The following RIPK2 variants were observed in gnomAD, a reference collection of about 807,000 sequenced individuals.
RIPK2 encodes the protein receptor-interacting serine/threonine-protein kinase 2.
Under a neutral mutation model 60.9 loss-of-function variants are expected in RIPK2, and 38 were observed. The ratio of observed to expected loss-of-function variants is 0.62; its 90% confidence interval spans 0.48 to 0.82. RIPK2 has a LOEUF of 0.82. Ranked by LOEUF, RIPK2 falls within the 40% of genes least tolerant of loss-of-function variation. The pLI is 0.00. For synonymous variants in RIPK2, 225 were observed against 223.4 expected (o/e 1.01, Z -0.06); for missense variants, 518 against 647.0 (o/e 0.80, Z 2.16).
At chr8:89,785,582 G>GTT (rs1301304208) in intron 8 of RIPK2, among the ~76,000 whole-genome samples, 1 of 151,908 alleles carries the variant, frequency 6.6e-6, no homozygotes, top group Non-Finnish European at 1.5e-5. Flanking sequence ...AAGATATCTC[G>GTT]TTATATATAT....
intron 10 of RIPK2, 102 bp from the exon 11 acceptor site, chr8:89,789,977 G>A: frequency 1.2e-6 from 1 of 836,104 alleles, no homozygotes. Flanking sequence ...CACAATCATA[G>A]GAAAATTATG....
At chr8:89,771,826 T>A in intron 5 of RIPK2, 36 bp downstream of exon 5, 1 of 1,319,268 alleles carries the variant, frequency 7.6e-7, no homozygotes. Context: ...CTCAATAACA[T>A]CATGTTAGTA....
chr8:89,780,855 G>C (rs1809486558), intron 7 of RIPK2: 1 of 150,996 alleles, frequency 6.6e-6, no homozygotes, highest in South Asian at 2.1e-4. Flanking sequence ...AGCAGTAACA[G>C]TTTATATGAA....
intron 2 of RIPK2, among the ~76,000 whole-genome samples, chr8:89,764,710 T>G (rs955844516): frequency 1.1e-4 from 16 of 152,084 alleles, no homozygotes; most frequent in Non-Finnish European, 1.5e-5. Context: ...GAAACAAAAA[T>G]GAGTGTCCCT....
chr8:89,769,968 T>G, intron 4 of RIPK2, 39 bp downstream of exon 4: 1 of 1,473,288 alleles, frequency 6.8e-7, no homozygotes, highest in Non-Finnish European at 9.0e-7. Flanking sequence ...TAACCTTGTC[T>G]CAGACACAAA....
chr8:89,783,432 C>T (rs1299832406), intron 7 of RIPK2, among the ~76,000 whole-genome samples: 3 of 152,114 alleles, frequency 2.0e-5, no homozygotes. Context: ...AGTAATCCTT[C>T]AAAATAGGAA....
intron 1 of RIPK2, 139 bp from the exon 2 acceptor site, chr8:89,762,690 A>C: frequency 2.3e-6 from 1 of 438,868 alleles, no homozygotes; most frequent in Non-Finnish European, 4.0e-6. Context: ...AATATGATGA[A>C]ACTAAGGTGC....
Position 89,786,582 on chromosome 8 carries a change from ATTTAC to A in RIPK2, c.1030-6_1030-2del. ...TATTAACCTAAACCCTTTATTTTTTATTTACTTTAGGAATCATGTGGATCCTCTCA... is the reference window on the plus strand; with the variant it reads ...TATTAACCTAAACCCTTTATTTTTTATTTAGGAATCATGTGGATCCTCTCA... On this transcript the variant is annotated splice_polypyrimidine_tract_variant and splice_region_variant and intron_variant, in intron 8 of 10. Transcript: ENST00000220751. 1 of 1,441,586 alleles carries A rather than the reference ATTTAC, an allele frequency of 6.9e-7. No homozygotes were observed. The highest frequency in any genetic ancestry group is 9.6e-7 in the Non-Finnish European group (1 of 1,039,148). 89.3% of individuals were successfully genotyped at this position (1,441,586 alleles called of 1,614,324 possible).
intron 6 of RIPK2, among the ~76,000 whole-genome samples, chr8:89,774,242 G>A (rs1037460779): frequency 2.0e-5 from 3 of 152,084 alleles, no homozygotes; most frequent in Non-Finnish European, 2.9e-5. Flanking sequence ...ATGAGTAAAA[G>A]ATTTGAATTT....
intron 1 of RIPK2, among the ~76,000 whole-genome samples, chr8:89,762,341 T>A (rs1809159637): frequency 6.6e-6 from 1 of 152,174 alleles, no homozygotes; most frequent in Admixed American, 6.5e-5. Flanking sequence ...TTACTGACTT[T>A]TATGCAGCTA....
Position 89,765,288 on chromosome 8 carries a change from C to T in RIPK2, c.328-53C>T. 20 of 1,290,828 alleles carry T rather than the reference C, an allele frequency of 1.5e-5. 1 individual carries two copies. The South Asian group carries it at 2.4e-4, about 16-fold the overall frequency. 80.0% of individuals were successfully genotyped at this position (1,290,828 alleles called of 1,614,324 possible). ...AATATTTAACTTTCTAAGTGTGAAACATAGTGAAATTTGGACTAATTTCAT... is the reference window on the plus strand; with the variant it reads ...AATATTTAACTTTCTAAGTGTGAAATATAGTGAAATTTGGACTAATTTCAT... On this transcript the variant is annotated intron_variant, in intron 2 of 10. Coordinates refer to ENST00000220751, the MANE Select transcript of RIPK2 (RefSeq NM_003821.6).
intron 9 of RIPK2, among the ~76,000 whole-genome samples, chr8:89,787,282 T>C (rs913926589): frequency 6.6e-6 from 1 of 152,210 alleles, no homozygotes; most frequent in Non-Finnish European, 1.5e-5. Flanking sequence ...GAGATAGTGA[T>C]ATAAGAGAGA....
chr8:89,777,612 T>A (rs1416106399), intron 6 of RIPK2, among the ~76,000 whole-genome samples: 4 of 152,082 alleles, frequency 2.6e-5, no homozygotes. Context: ...ATTTATCACA[T>A]TTCTTACAAA....
intron 1 of RIPK2, 147 bp downstream of exon 1, chr8:89,758,380 GA>G: frequency 1.3e-6 from 1 of 798,048 alleles, no homozygotes; most frequent in Non-Finnish European, 1.9e-6. Flanking sequence ...TCAAGCTTGG[GA>G]GATAGGGAGC....
chr8:89,761,371 T>C lies in RIPK2; in HGVS notation c.174-1458T>C, dbSNP rs113291944. Among the ~76,000 whole-genome samples, 1,088 of 141,156 alleles carry C rather than the reference T, an allele frequency of 7.7e-3. 12 individuals carry two copies. The highest frequency in any genetic ancestry group is 0.031 in the African/African-American group (1,024 of 33,386). The allele number at this position is 141,156 out of a possible 152,430, so 92.6% of individuals were successfully genotyped here. On this transcript the variant is annotated intron_variant, in intron 1 of 10. Transcript: ENST00000220751. Reference sequence around the variant, plus strand: ...AAAAAATAATGACATCTCCAATTCCTTTTCATTTTTTTTTTAACCCCCTAC... The same window carrying C: ...AAAAAATAATGACATCTCCAATTCCCTTTCATTTTTTTTTTAACCCCCTAC...
In RIPK2 at chr8:89,786,496, T is replaced by TA. The variant is rs1446557515; in HGVS notation, c.1030-96dup. ...CTGAAAAAAAAAAATTAGTAGTTTT[T>TA]ATCTTCATTTGTGATAAGCCACAAA... On this transcript the variant is annotated intron_variant, in intron 8 of 10. Transcript: ENST00000220751. The TA allele has an allele frequency of 1.3e-5, 10 of 783,484 alleles. No homozygotes were observed. In the Admixed American group the frequency reaches 2.0e-4, roughly 16 times the overall value. 48.5% of individuals were successfully genotyped at this position (783,484 alleles called of 1,614,324 possible). A position where few individuals can be genotyped will look rare whatever the true frequency, so the allele number is the denominator to read the frequency against.
chr8:89,788,712 G>A (rs1809625616), intron 9 of RIPK2, among the ~76,000 whole-genome samples: 1 of 152,126 alleles, frequency 6.6e-6, no homozygotes, highest in Non-Finnish European at 1.5e-5. Flanking sequence ...GAGAGGTGGA[G>A]GTTGCAGTGA....
chr8:89,775,120 G>C (rs1484741915), intron 6 of RIPK2, among the ~76,000 whole-genome samples: 2 of 152,034 alleles, frequency 1.3e-5, no homozygotes, highest in African/African-American at 4.8e-5. Flanking sequence ...TGAGGTGATA[G>C]CTAAAGGATG....
rs1380252368 is a variant in RIPK2 at position 89,759,450 on chromosome 8, A to G, written c.173+1217A>G. On this transcript the variant is annotated intron_variant, in intron 1 of 10. Transcript: ENST00000220751. ...GATGCCTGATTGGCCAGAAGCTGTGAGTATCCAGCATCAGATAAATTCCTC... is the reference window on the plus strand; with the variant it reads ...GATGCCTGATTGGCCAGAAGCTGTGGGTATCCAGCATCAGATAAATTCCTC... 9.5e-5 allele frequency: 43 copies of G among 454,378 alleles called. 2 individuals carry two copies. Among genetic ancestry groups the G allele is most frequent in the South Asian group, 6.2e-4 (40 of 64,500 alleles). The allele number at this position is 454,378 out of a possible 1,614,324, so 28.1% of individuals were successfully genotyped here.
Sources: gnomAD v4.1 joint callset for allele counts (sites outside exome capture counted in the v4.1 genomes callset) on GRCh38, gnomAD v4.1.1 for gene constraint, MANE v1.5 for transcripts, NCBI Gene and HGNC (gene_info 2026-07-23, HGNC 2026-07-21) for gene names.